The following TMEM132B variants were observed in gnomAD, a reference collection of about 807,000 sequenced individuals.
The protein encoded by TMEM132B is transmembrane protein 132B.
In TMEM132B, 18 loss-of-function variants were observed where a neutral mutation model predicts 90.8. That is an observed-to-expected ratio of 0.20 (90% CI 0.14 to 0.29). The LOEUF (loss-of-function observed/expected upper bound fraction) is 0.29. Ranked by LOEUF, TMEM132B falls within the 10% of genes least tolerant of loss-of-function variation. The probability of loss-of-function intolerance (pLI) is 1.00; values close to 1 mark genes in which losing one functional copy is unlikely to be tolerated. For synonymous variants in TMEM132B, 504 were observed against 523.3 expected (o/e 0.96, Z 0.50); for missense variants, 1,096 against 1,326.8 (o/e 0.83, Z 2.70).
intron 1 of TMEM132B, among the ~76,000 whole-genome samples, chr12:125,314,620 A>T (rs997354344): frequency 4.6e-5 from 7 of 152,090 alleles, no homozygotes; most frequent in African/African-American, 1.7e-4. Context: ...TAAACTGGGA[A>T]CCGCACAAGA....
Position 125,573,779 on chromosome 12 carries a change from G to A in TMEM132B, c.1294-10072G>A, listed in dbSNP as rs59545462. Among the ~76,000 whole-genome samples the A allele has an allele frequency of 9.1e-3, 1,386 of 152,204 alleles. 15 individuals carry two copies. Among genetic ancestry groups the A allele is most frequent in the African/African-American group, 0.031 (1,281 of 41,506 alleles). On this transcript the variant is annotated intron_variant, in intron 4 of 8. Coordinates refer to ENST00000682704, the MANE Select transcript of TMEM132B (RefSeq NM_001366854.1). ...TTCAAATGAGCACATAATTCCACCT[G>A]TGTTTCATTGGCAAATTCAAATGGA...
At chr12:125,580,542 T>C (rs1272230360) in intron 4 of TMEM132B, among the ~76,000 whole-genome samples, 2 of 152,188 alleles carry the variant, frequency 1.3e-5, no homozygotes, top group Non-Finnish European at 1.5e-5. Context: ...TTACTGTCAA[T>C]GTAGGCTGTT....
intron 1 of TMEM132B, among the ~76,000 whole-genome samples, chr12:125,303,944 C>T (rs1489842784): frequency 6.6e-6 from 1 of 152,186 alleles, no homozygotes; most frequent in African/African-American, 2.4e-5. Context: ...TTTTCACTCT[C>T]TTGGTATAGT....
chr12:125,555,598 A>G (rs1245897041), intron 4 of TMEM132B, among the ~76,000 whole-genome samples: 1 of 149,760 alleles, frequency 6.7e-6, no homozygotes, highest in Non-Finnish European at 1.5e-5. Flanking sequence ...TAGCATTAGG[A>G]GATATACCTA....
intron 1 of TMEM132B, among the ~76,000 whole-genome samples, chr12:125,295,603 T>G (rs547451476): frequency 9.7e-4 from 147 of 152,132 alleles, no homozygotes; most frequent in African/African-American, 3.3e-3. Flanking sequence ...GGCTGCTTTG[T>G]TGTGATGATG....
rs746234457 is a variant in TMEM132B, at chr12:125,349,760, A to G, written c.376A>G (p.Lys126Glu). 56 of 1,614,148 alleles carry G rather than the reference A, an allele frequency of 3.5e-5. No individual in the cohort carries two copies. In the South Asian group the frequency reaches 6.1e-4, roughly 18 times the overall value. Residue 126 changes from lysine (K) to glutamate (E), a missense_variant, in exon 2 of 9, where the codon AAA becomes GAA. Coordinates refer to ENST00000682704, the MANE Select transcript of TMEM132B (RefSeq NM_001366854.1). This position sits in a 1 kb window ranked among gnomAD's most constrained non-coding sequence, Gnocchi z 4.1. Reference sequence around the variant, plus strand: ...CAAATTTCCCTTCAACTGGAAATTGAAATCCCACATCCTTGACAGCTCCAT... The same window carrying G: ...CAAATTTCCCTTCAACTGGAAATTGGAATCCCACATCCTTGACAGCTCCAT... ...MDKFPFNWKL[K>E]SHILDSSIYS...
chr12:125,247,541 T>C (rs1874230653), intron 1 of TMEM132B, among the ~76,000 whole-genome samples: 1 of 152,210 alleles, frequency 6.6e-6, no homozygotes, highest in South Asian at 2.1e-4. Flanking sequence ...AGCGATCATA[T>C]TTGGTTTAGG....
intron 2 of TMEM132B, among the ~76,000 whole-genome samples, chr12:125,359,339 G>GT (rs1251381517): frequency 6.6e-6 from 1 of 152,046 alleles, no homozygotes; most frequent in Non-Finnish European, 1.5e-5. Context: ...TATTAGTTAT[G>GT]TTTTTTCCAA....
chr12:125,416,580 T>A (rs1880021433), intron 3 of TMEM132B, among the ~76,000 whole-genome samples: 1 of 152,202 alleles, frequency 6.6e-6, no homozygotes, highest in African/African-American at 2.4e-5. Context: ...GAGGGGAGCA[T>A]GAGAAATGGA....
chr12:125,406,315 C>A lies in TMEM132B; in HGVS notation c.960-9216C>A, dbSNP rs993422612. 6.6e-6 allele frequency among the ~76,000 whole-genome samples: 1 copy of A among 152,234 alleles called. No homozygotes were observed. The highest frequency in any genetic ancestry group is 3.2e-3 in the Middle Eastern group (1 of 316). On this transcript the variant is annotated intron_variant, in intron 2 of 8. Coordinates refer to ENST00000682704, the MANE Select transcript of TMEM132B (RefSeq NM_001366854.1). This position sits in a 1 kb window ranked among gnomAD's most constrained non-coding sequence, Gnocchi z 8.3. ...GTGGAAAATGGAAGCAGAAGCGATA[C>A]TACCCCTGCGGGGTTGCACGAGGCA...
At chr12:125,289,097 T>C (rs925159638) in intron 1 of TMEM132B, among the ~76,000 whole-genome samples, 1 of 152,214 alleles carries the variant, frequency 6.6e-6, no homozygotes, top group Non-Finnish European at 1.5e-5. Flanking sequence ...TTGATGGGCT[T>C]GACCTGGAGT....
intron 4 of TMEM132B, among the ~76,000 whole-genome samples, chr12:125,577,310 G>C: frequency 6.6e-6 from 1 of 151,042 alleles, no homozygotes; most frequent in East Asian, 1.9e-4. Flanking sequence ...TTTCCTGTAA[G>C]ACTGAGCCCC....
rs542883733 is a variant in TMEM132B at position 125,304,904 on chromosome 12, T to G, written c.68-44548T>G. Among the ~76,000 whole-genome samples the G allele has an allele frequency of 1.4e-4, 21 of 152,310 alleles. No homozygotes were observed. The South Asian group carries it at 4.4e-3, about 32-fold the overall frequency. ...CATTCGTAGTGCAGGTATTGACACA[T>G]TCTTAGCATAGCACTGGTGAGCTTT... On this transcript the variant is annotated intron_variant, in intron 1 of 8. Transcript: ENST00000682704.
chr12:125,626,696 CT>C (rs1886242778), intron 5 of TMEM132B, among the ~76,000 whole-genome samples: 1 of 152,118 alleles, frequency 6.6e-6, no homozygotes, highest in Admixed American at 6.5e-5. Flanking sequence ...TAGCTAATGT[CT>C]TATTTCTCTG....
chr12:125,392,484 T>C (rs1036416120), intron 2 of TMEM132B, among the ~76,000 whole-genome samples: 7 of 152,160 alleles, frequency 4.6e-5, no homozygotes, highest in South Asian at 4.1e-4. Context: ...ATAACTAGCG[T>C]TGGGCTACGC....
intron 5 of TMEM132B, among the ~76,000 whole-genome samples, chr12:125,600,971 G>A (rs981744250): frequency 1.3e-5 from 2 of 152,106 alleles, no homozygotes; most frequent in African/African-American, 4.8e-5. Flanking sequence ...CATAAAACAA[G>A]TTCTTAAGAC....
At chr12:125,248,470 G>T (rs1874251493) in intron 1 of TMEM132B, among the ~76,000 whole-genome samples, 1 of 152,134 alleles carries the variant, frequency 6.6e-6, no homozygotes, top group Non-Finnish European at 1.5e-5. Context: ...ATTGCCATTG[G>T]TTTTTTACTA....
chr12:125,589,457 G>C (rs897800673), intron 5 of TMEM132B, among the ~76,000 whole-genome samples: 1 of 123,376 alleles, frequency 8.1e-6, no homozygotes. Context: ...ACCCCAGCCC[G>C]GGTGACAGAG....
intron 5 of TMEM132B, among the ~76,000 whole-genome samples, chr12:125,633,939 A>T (rs1886422751): frequency 6.6e-6 from 1 of 152,116 alleles, no homozygotes; most frequent in Non-Finnish European, 1.5e-5. Flanking sequence ...GCTACCAGTT[A>T]TGTTTGCTCA....
Sources: gnomAD v4.1 joint callset for allele counts (sites outside exome capture counted in the v4.1 genomes callset) on GRCh38, gnomAD v4.1.1 for gene constraint, Gnocchi (gnomAD v3.1) non-coding constraint, MANE v1.5 for transcripts, NCBI Gene and HGNC (gene_info 2026-07-23, HGNC 2026-07-21) for gene names.